The following NRG3 variants were observed in gnomAD, a reference collection of about 807,000 sequenced individuals.
The protein encoded by NRG3 is pro-neuregulin-3, membrane-bound isoform.
Under a neutral mutation model 66.9 loss-of-function variants are expected in NRG3, and 31 were observed. That is an observed-to-expected ratio of 0.46 (90% CI 0.35 to 0.63). The LOEUF is 0.63. NRG3 is among the 20% of genes least tolerant of loss of function. The pLI, the probability that NRG3 is intolerant of heterozygous loss-of-function variation, is 0.00. For synonymous variants in NRG3, 393 were observed against 359.4 expected (o/e 1.09, Z -1.06); for missense variants, 910 against 878.9 (o/e 1.04, Z -0.45).
At chr10:82,420,890 G>A (rs2089013850) in intron 2 of NRG3, among the ~76,000 whole-genome samples, 1 of 152,252 alleles carries the variant, frequency 6.6e-6, no homozygotes, top group Admixed American at 6.5e-5. Flanking sequence ...ATAAGTGACT[G>A]TAGCTAGATT....
At chr10:81,929,222 T>C (rs1847105389) in intron 1 of NRG3, among the ~76,000 whole-genome samples, 1 of 152,088 alleles carries the variant, frequency 6.6e-6, no homozygotes, top group African/African-American at 2.4e-5. Flanking sequence ...CTAATAAATA[T>C]TTAATTTTGT....
intron 3 of NRG3, among the ~76,000 whole-genome samples, chr10:82,813,975 A>G (rs570072921): frequency 6.6e-6 from 1 of 152,242 alleles, no homozygotes; most frequent in Non-Finnish European, 1.5e-5. Context: ...ATAGAGCATC[A>G]GGGCTGCTAC....
chr10:82,837,637 C>G (rs2062845075), intron 3 of NRG3, among the ~76,000 whole-genome samples: 1 of 152,046 alleles, frequency 6.6e-6, no homozygotes, highest in Non-Finnish European at 1.5e-5. Flanking sequence ...TGGATACAAC[C>G]CAGACTAACC....
At chr10:82,694,912 GATAAC>G (rs2055252915) in intron 2 of NRG3, among the ~76,000 whole-genome samples, 1 of 152,090 alleles carries the variant, frequency 6.6e-6, no homozygotes, top group African/African-American at 2.4e-5. Context: ...AACTTAAATA[GATAAC>G]ATAAGACAAC....
intron 4 of NRG3, among the ~76,000 whole-genome samples, chr10:82,934,185 T>C (rs2132193327): frequency 6.6e-6 from 1 of 152,344 alleles, no homozygotes; most frequent in Non-Finnish European, 1.5e-5. Flanking sequence ...TAAACATGAA[T>C]GGGCATGTAG....
chr10:82,442,972 C>A (rs919782251), intron 2 of NRG3, among the ~76,000 whole-genome samples: 1 of 151,444 alleles, frequency 6.6e-6, no homozygotes, highest in African/African-American at 2.4e-5. Context: ...GGGAGACAGC[C>A]GCTAGAATAA....
chr10:82,603,371 T>G (rs2047754897), intron 2 of NRG3, among the ~76,000 whole-genome samples: 1 of 152,202 alleles, frequency 6.6e-6, no homozygotes, highest in South Asian at 2.1e-4. Flanking sequence ...CTTCTGTACA[T>G]GTCCTAGAAA....
At chr10:82,724,928 TACACA>T (rs1332371236) in intron 2 of NRG3, among the ~76,000 whole-genome samples, 1 of 152,234 alleles carries the variant, frequency 6.6e-6, no homozygotes, top group Non-Finnish European at 1.5e-5. Flanking sequence ...GGGAATCATC[TACACA>T]ACCCAGGCAG....
At chr10:82,417,237 G>A (rs1480545283) in intron 2 of NRG3, among the ~76,000 whole-genome samples, 1 of 152,178 alleles carries the variant, frequency 6.6e-6, no homozygotes, top group East Asian at 1.9e-4. Context: ...GGCTGATAAT[G>A]CTGCATGCCC....
intron 2 of NRG3, among the ~76,000 whole-genome samples, chr10:82,528,436 G>A (rs1280224752): frequency 1.3e-5 from 2 of 152,152 alleles, no homozygotes; most frequent in South Asian, 2.1e-4. Context: ...TAGTATTCTA[G>A]CAGAAGCTGC....
intron 1 of NRG3, among the ~76,000 whole-genome samples, chr10:82,316,490 T>C (rs2081301937): frequency 6.6e-6 from 1 of 152,158 alleles, no homozygotes; most frequent in Non-Finnish European, 1.5e-5. Flanking sequence ...CTGCTTTTAT[T>C]TGAACAAATA....
intron 2 of NRG3, among the ~76,000 whole-genome samples, chr10:82,504,057 CTT>C (rs1220017099): frequency 1.3e-5 from 2 of 152,170 alleles, no homozygotes; most frequent in Non-Finnish European, 2.9e-5. Flanking sequence ...AAAGCTGACA[CTT>C]ATTAATGTTA....
intron 1 of NRG3, among the ~76,000 whole-genome samples, chr10:81,993,610 G>T (rs2060825030): frequency 6.6e-6 from 1 of 152,124 alleles, no homozygotes; most frequent in African/African-American, 2.4e-5. Context: ...TCCTCACAAA[G>T]AGGTGGAATT....
In NRG3 at chr10:82,441,436, A is replaced by G. The variant is rs148511825; in HGVS notation, c.953+82568A>G. On this transcript the variant is annotated intron_variant, in intron 2 of 8. Transcript: ENST00000372141. ...TTCATGTTAGTACATGTAGTTTCAA[A>G]TCCGGGGTCTGCTATTCACTGTTTC... 3.7e-3 allele frequency among the ~76,000 whole-genome samples: 571 copies of G among 152,292 alleles called. 1 individual carries two copies. The highest frequency in any genetic ancestry group is 0.013 in the African/African-American group (541 of 41,560).
At chr10:82,750,063 T>C (rs2058801828) in intron 3 of NRG3, among the ~76,000 whole-genome samples, 1 of 152,190 alleles carries the variant, frequency 6.6e-6, no homozygotes, top group Non-Finnish European at 1.5e-5. Context: ...TTCAACTCTG[T>C]TAACTAGACT....
At chr10:82,723,990 A>T (rs954291853) in intron 2 of NRG3, among the ~76,000 whole-genome samples, 2 of 150,158 alleles carry the variant, frequency 1.3e-5, no homozygotes, top group South Asian at 4.2e-4. Flanking sequence ...AAAAAAAAGT[A>T]AATAAATAAA....
chr10:82,914,519 T>C (rs1000409259), intron 4 of NRG3, among the ~76,000 whole-genome samples: 1 of 152,204 alleles, frequency 6.6e-6, no homozygotes, highest in Non-Finnish European at 1.5e-5. Context: ...TTCCTTCTGA[T>C]GCCCTTGTTT....
rs138165951 is a variant in NRG3 at position 82,704,198 on chromosome 10, T to C, written c.954-34379T>C. Among the ~76,000 whole-genome samples the C allele has an allele frequency of 5.1e-3, 778 of 152,204 alleles. 4 individuals carry two copies. Among genetic ancestry groups the C allele is most frequent in the African/African-American group, 0.018 (738 of 41,560 alleles). ...CATTGTCCATGCTGCTAGCTCTTCC[T>C]TTCAGATAGGTTTCATGATACATTC... On this transcript the variant is annotated intron_variant, in intron 2 of 8. Coordinates refer to ENST00000372141, the MANE Select transcript of NRG3 (RefSeq NM_001010848.4).
chr10:82,722,352 G>T (rs2057365285), intron 2 of NRG3, among the ~76,000 whole-genome samples: 1 of 152,074 alleles, frequency 6.6e-6, no homozygotes, highest in Non-Finnish European at 1.5e-5. Flanking sequence ...TTGTGTCTAA[G>T]ATACGCTATA....
Sources: gnomAD v4.1 joint callset for allele counts (sites outside exome capture counted in the v4.1 genomes callset) on GRCh38, gnomAD v4.1.1 for gene constraint, MANE v1.5 for transcripts, NCBI Gene and HGNC (gene_info 2026-07-23, HGNC 2026-07-21) for gene names.